Variants in ERCC6L2 observed in about 807,000 individuals in gnomAD.
ERCC6L2 encodes the protein ERCC excision repair 6 like 2, also known as DNA excision repair protein ERCC-6-like 2.
A neutral mutation model predicts 132.0 loss-of-function variants in ERCC6L2; 77 were observed. That is an observed-to-expected ratio of 0.58 (90% CI 0.49 to 0.71). The LOEUF (loss-of-function observed/expected upper bound fraction) is 0.71, where lower values mean the gene tolerates loss of function less well. Among genes scored for constraint, ERCC6L2 ranks in the 30% least tolerant of loss-of-function variants. ERCC6L2 has a pLI of 0.00. For synonymous variants in ERCC6L2, 583 were observed against 632.4 expected (o/e 0.92, Z 1.17); for missense variants, 1,542 against 1,837.6 (o/e 0.84, Z 2.94).
At chr9:95,965,577 C>T (rs556967424) in intron 13 of ERCC6L2, among the ~76,000 whole-genome samples, 15 of 152,216 alleles carry the variant, frequency 9.9e-5, no homozygotes, top group African/African-American at 3.1e-4. Context: ...GGCGCCACCT[C>T]GGGTTGCTTG....
At chr9:95,885,632 GTA>G (rs1827825071) in intron 2 of ERCC6L2, among the ~76,000 whole-genome samples, 1 of 152,064 alleles carries the variant, frequency 6.6e-6, no homozygotes. Context: ...TTTCACTGGA[GTA>G]TACAGGTTTG....
chr9:95,945,798 A>G (rs1388750927), intron 12 of ERCC6L2, among the ~76,000 whole-genome samples: 3 of 152,224 alleles, frequency 2.0e-5, no homozygotes, highest in African/African-American at 7.2e-5. Context: ...TAGGAAATAT[A>G]TAGTTGTGTT....
intron 17 of ERCC6L2, among the ~76,000 whole-genome samples, chr9:95,996,030 T>G (rs1341815642): frequency 6.6e-6 from 1 of 152,226 alleles, no homozygotes. Context: ...TGATGACGCT[T>G]CATTAGAAAG....
intron 19 of ERCC6L2, among the ~76,000 whole-genome samples, chr9:96,037,013 G>A (rs928686587): frequency 5.3e-5 from 8 of 151,810 alleles, no homozygotes; most frequent in Non-Finnish European, 7.4e-5. Flanking sequence ...TGATCCGCCC[G>A]CCTCGGCCTC....
At chr9:95,921,153 A>G in intron 6 of ERCC6L2, 22 bp from the exon 7 acceptor site, 1 of 1,585,966 alleles carries the variant, frequency 6.3e-7, no homozygotes, top group Admixed American at 1.8e-5. Flanking sequence ...ACTAATAACT[A>G]CCTTGTATTT....
At position 95,921,860 on chromosome 9, in the gene ERCC6L2, T is replaced by C. The variant is rs142427068; in HGVS notation, c.1300-445T>C. 1.7e-4 allele frequency among the ~76,000 whole-genome samples: 26 copies of C among 152,344 alleles called. No individual in the cohort carries two copies. The East Asian group carries it at 3.7e-3, about 21-fold the overall frequency. On this transcript the variant is annotated intron_variant, in intron 7 of 18. Transcript: ENST00000653738. ...TGTACGTAGAGAAACCCTAAGTGAA[T>C]ATTTATCTAGTTTGATATTTATTTG...
intron 14 of ERCC6L2, chr9:95,966,965 C>T: frequency 3.5e-6 from 1 of 288,330 alleles, no homozygotes; most frequent in South Asian, 1.6e-4. Flanking sequence ...AACTCCAAGG[C>T]AATTTTAAAT....
At chr9:95,965,567 G>A (rs541860495) in intron 13 of ERCC6L2, among the ~76,000 whole-genome samples, 1 of 152,160 alleles carries the variant, frequency 6.6e-6, no homozygotes, top group South Asian at 2.1e-4. Flanking sequence ...GGAGTGCAGT[G>A]GCGCCACCTC....
downstream of ERCC6L2, chr9:96,021,304 G>C (rs1834284556): frequency 3.0e-6 from 1 of 333,600 alleles, no homozygotes; most frequent in African/African-American, 2.3e-5. The surrounding 1 kb of genome is among the most constrained non-coding windows in gnomAD (Gnocchi z 4.7). Context: ...GAGAAAGCAA[G>C]CGATTAACTG....
Position 95,921,120 on chromosome 9 carries a change from T to C in ERCC6L2, c.1159-55T>C, listed in dbSNP as rs982722982. The C allele has an allele frequency of 4.0e-6, 6 of 1,481,570 alleles. No homozygotes were observed. In the African/African-American group the frequency reaches 8.6e-5, roughly 21 times the overall value. 91.8% of individuals were successfully genotyped at this position (1,481,570 alleles called of 1,614,324 possible). On this transcript the variant is annotated intron_variant, in intron 6 of 18. Transcript: ENST00000653738. ...ATGAAATCAGATGTAGATTATGATT[T>C]TTATTATTGTTATAAACAAAATACT...
At chr9:95,941,054 C>T (rs1180949597) in intron 11 of ERCC6L2, among the ~76,000 whole-genome samples, 5 of 152,010 alleles carry the variant, frequency 3.3e-5, no homozygotes, top group African/African-American at 9.7e-5. Flanking sequence ...GTTTTAGCTG[C>T]ACTTAGTGGA....
intron 9 of ERCC6L2, among the ~76,000 whole-genome samples, chr9:95,924,381 C>T (rs992801056): frequency 6.6e-6 from 1 of 151,934 alleles, no homozygotes; most frequent in Non-Finnish European, 1.5e-5. Context: ...ATGAGGATAT[C>T]ATGTGATTTA....
intron 14 of ERCC6L2, chr9:95,968,161 G>C (rs888062640): frequency 7.9e-5 from 12 of 152,044 alleles, no homozygotes; most frequent in Non-Finnish European, 8.8e-5. Context: ...ACAAAAAAAA[G>C]TTCTCTTGTT....
At chr9:95,994,748 T>G (rs927945824) in intron 17 of ERCC6L2, among the ~76,000 whole-genome samples, 1 of 151,238 alleles carries the variant, frequency 6.6e-6, no homozygotes, top group Non-Finnish European at 1.5e-5. Flanking sequence ...CAGAGATTAC[T>G]GATAATATTT....
rs1834051805 is a variant in ERCC6L2 at position 96,012,269 on chromosome 9, T to C, written c.3719T>C (p.Val1240Ala). The C allele has an allele frequency of 7.7e-7, 1 of 1,306,944 alleles. No individual in the cohort carries two copies. Among genetic ancestry groups the C allele is most frequent in the Non-Finnish European group, 1.0e-6 (1 of 987,590 alleles). The allele number at this position is 1,306,944 out of a possible 1,614,324, so 81.0% of individuals were successfully genotyped here. A position where few individuals can be genotyped will look rare whatever the true frequency, so the allele number is the denominator to read the frequency against. ...GCCTCTTATTTTAACTCGTCTTCTGTAAACGAATTTGCTAAACATATAACC... is the reference window on the plus strand; with the variant it reads ...GCCTCTTATTTTAACTCGTCTTCTGCAAACGAATTTGCTAAACATATAACC... ...EMASYFNSSS[V>A]NEFAKHITNA... Residue 1240 changes from valine (V) to alanine (A), a missense_variant, in exon 19 of 19, where the codon GTA becomes GCA. Val to Ala is a moderately conservative substitution (Grantham distance 64). Around this residue, in one of 4 missense-constraint regions of ERCC6L2, gnomAD observed 442 missense variants for 583.4 expected, o/e 0.76. Coordinates refer to ENST00000653738, the MANE Select transcript of ERCC6L2 (RefSeq NM_020207.7).
chr9:96,033,885 C>T (rs1242950173), intron 19 of ERCC6L2, among the ~76,000 whole-genome samples: 2 of 152,184 alleles, frequency 1.3e-5, no homozygotes, highest in Non-Finnish European at 2.9e-5. Flanking sequence ...TGGAGGGAAG[C>T]ATACCGGGGC....
At position 96,015,369 on chromosome 9, in the gene ERCC6L2, G is replaced by T. The variant is rs1416129224; in HGVS notation, c.*2166G>T. On this transcript the variant is annotated 3_prime_UTR_variant, in exon 19 of 19. Coordinates refer to ENST00000653738, the MANE Select transcript of ERCC6L2 (RefSeq NM_020207.7). Reference sequence around the variant, plus strand: ...CCCAGCTAATTTTTTTGTGTTTTTAGTAGGGATGGGGTTTCACCATGTTGG... The same window carrying T: ...CCCAGCTAATTTTTTTGTGTTTTTATTAGGGATGGGGTTTCACCATGTTGG... Among the ~76,000 whole-genome samples the T allele has an allele frequency of 1.1e-4, 16 of 151,456 alleles. No homozygotes were observed. Among genetic ancestry groups the T allele is most frequent in the Non-Finnish European group, 1.3e-4 (9 of 67,868 alleles).
rs1286877397 is a variant in ERCC6L2, at chr9:95,972,158, T to C, written c.2407T>C (p.Cys803Arg). 1.5e-6 allele frequency: 2 copies of C among 1,304,194 alleles called. No homozygotes were observed. Among genetic ancestry groups the C allele is most frequent in the African/African-American group, 1.5e-5 (1 of 65,978 alleles). 80.8% of individuals were successfully genotyped at this position (1,304,194 alleles called of 1,614,324 possible). ...CGFSKLLETKCKAVEDSDGNT... is the reference protein window; with the variant it reads ...CGFSKLLETKRKAVEDSDGNT... ...TTTCTCGAAATTGCTTGAAACAAAA[T>C]GTAAAGCAGTTGAGGATAGTGATGG... Residue 803 changes from cysteine (C) to arginine (R), a missense_variant, in exon 16 of 19, where the codon TGT becomes CGT. By Grantham distance (180) the Cys-to-Arg change is radical. This residue lies in a region of ERCC6L2 where 945 missense variants were observed against 1,105.2 expected (regional missense o/e 0.86). Coordinates refer to ENST00000653738, the MANE Select transcript of ERCC6L2 (RefSeq NM_020207.7).
Position 95,907,231 on chromosome 9 carries a change from A to G in ERCC6L2, c.748A>G (p.Thr250Ala). 6.2e-7 allele frequency: 1 copy of G among 1,613,082 alleles called. No homozygotes were observed. Among genetic ancestry groups the G allele is most frequent in the Non-Finnish European group, 8.5e-7 (1 of 1,179,718 alleles). The stretch of plus-strand genomic sequence containing the variant: ...GAGGAAATGTGAAATTGCTCTAACA[A>G]CTTATGAAACACTACGCTTATGCCT... ...KQRKCEIALTTYETLRLCLDE... is the reference protein window; with the variant it reads ...KQRKCEIALTAYETLRLCLDE... Residue 250 changes from threonine (T) to alanine (A), a missense_variant, in exon 4 of 19, where the codon ACT (threonine) becomes GCT (alanine). Coordinates refer to ENST00000653738, the MANE Select transcript of ERCC6L2 (RefSeq NM_020207.7).
Sources: gnomAD v4.1 joint callset for allele counts (sites outside exome capture counted in the v4.1 genomes callset) on GRCh38, gnomAD v4.1.1 for gene constraint, gnomAD v4.1.1 regional missense constraint, Gnocchi (gnomAD v3.1) non-coding constraint, MANE v1.5 for transcripts, NCBI Gene and HGNC (gene_info 2026-07-23, HGNC 2026-07-21) for gene names.